Variants in ANKRD12 observed in about 807,000 individuals in gnomAD.
ANKRD12 encodes ankyrin repeat domain 12, also known as ankyrin repeat domain-containing protein 12.
A neutral mutation model predicts 183.4 loss-of-function variants in ANKRD12; 85 were observed. The observed-to-expected ratio is 0.46, with a 90% CI of 0.39 to 0.56. ANKRD12 has a LOEUF of 0.56. Among genes scored for constraint, ANKRD12 ranks in the 20% least tolerant of loss-of-function variants. The probability of loss-of-function intolerance (pLI) is 0.00; values close to 1 mark genes in which losing one functional copy is unlikely to be tolerated. For missense variants in ANKRD12, 2,405 were observed against 2,357.1 expected (o/e 1.02, Z -0.42); for synonymous variants, 914 against 800.2 (o/e 1.14, Z -2.40).
rs558376836 is a variant in ANKRD12, at chr18:9,166,850, G to A, written c.-51-15532G>A. On this transcript the variant is annotated intron_variant, in intron 1 of 12. Coordinates refer to ENST00000262126, the MANE Select transcript of ANKRD12 (RefSeq NM_015208.5). ...TTCTTCTAGGGTTTTTATGGTTTTA[G>A]GTCTAACATGTAAGTCTTTAATCCA... Among the ~76,000 whole-genome samples the A allele has an allele frequency of 3.5e-3, 534 of 152,246 alleles. 7 individuals carry two copies. Among genetic ancestry groups the A allele is most frequent in the South Asian group, 0.027 (132 of 4,824 alleles).
In ANKRD12 at chr18:9,149,798, AT is replaced by A. The variant is rs368621263; in HGVS notation, c.-52+12848del. ...TTTATTTATTTATTTATTAAATTTTATTTTTTTTTTTTTTTGAGACGGAGTC... is the reference window on the plus strand; with the variant it reads ...TTTATTTATTTATTTATTAAATTTTATTTTTTTTTTTTTTGAGACGGAGTC... On this transcript the variant is annotated intron_variant, in intron 1 of 12. Coordinates refer to ENST00000262126, the MANE Select transcript of ANKRD12 (RefSeq NM_015208.5). Among the ~76,000 whole-genome samples, 78 of 118,316 alleles carry A rather than the reference AT, an allele frequency of 6.6e-4. 1 individual carries two copies. The highest frequency in any genetic ancestry group is 1.9e-3 in the African/African-American group (61 of 31,688). The allele number at this position is 118,316 out of a possible 152,430, so 77.6% of individuals were successfully genotyped here.
intron 1 of ANKRD12, among the ~76,000 whole-genome samples, chr18:9,167,436 C>T (rs987180761): frequency 1.3e-5 from 2 of 152,046 alleles, no homozygotes; most frequent in Non-Finnish European, 2.9e-5. Flanking sequence ...CCTTCACATC[C>T]CTTGTAAGTT....
intron 8 of ANKRD12, among the ~76,000 whole-genome samples, chr18:9,253,216 TTA>T (rs1223503236): frequency 1.3e-5 from 2 of 152,204 alleles, no homozygotes; most frequent in East Asian, 3.8e-4. Context: ...GGCATTCTAA[TTA>T]CTCTCTTAGT....
chr18:9,235,201 A>G (rs1038367183), intron 8 of ANKRD12, among the ~76,000 whole-genome samples: 3 of 152,202 alleles, frequency 2.0e-5, no homozygotes, highest in African/African-American at 4.8e-5. Flanking sequence ...CCAGTTTGTC[A>G]TCTTAAAAAA....
rs151154781 is a variant in ANKRD12, at chr18:9,161,106, G to GTGT, written c.-51-21259_-51-21257dup. 2.2e-3 allele frequency among the ~76,000 whole-genome samples: 339 copies of GTGT among 151,832 alleles called. 2 individuals carry two copies. Among genetic ancestry groups the GTGT allele is most frequent in the African/African-American group, 7.6e-3 (316 of 41,428 alleles). On this transcript the variant is annotated intron_variant, in intron 1 of 12. Coordinates refer to ENST00000262126, the MANE Select transcript of ANKRD12 (RefSeq NM_015208.5). ...CTCTTGCCTTGGCCTGTGTGTGTGT[G>GTGT]TGTTGTTGTTGTTGTTGTTTTCCTT...
chr18:9,268,956 C>T (rs1046959323), intron 10 of ANKRD12, among the ~76,000 whole-genome samples: 15 of 152,268 alleles, frequency 9.9e-5, no homozygotes, highest in African/African-American at 2.9e-4. Context: ...GCAAAAATCA[C>T]GAGCATTCTT....
At chr18:9,247,088 T>C (rs1244404449) in intron 8 of ANKRD12, among the ~76,000 whole-genome samples, 1 of 152,246 alleles carries the variant, frequency 6.6e-6, no homozygotes, top group Non-Finnish European at 1.5e-5. Context: ...TTCTTCATTA[T>C]GTTTGACTGT....
At chr18:9,149,292 AT>A in intron 1 of ANKRD12, among the ~76,000 whole-genome samples, 1 of 152,378 alleles carries the variant, frequency 6.6e-6, no homozygotes, top group Admixed American at 6.5e-5. Flanking sequence ...GAATAATTGC[AT>A]GAGCAAACTA....
Position 9,281,136 on chromosome 18 carries a change from C to T in ANKRD12, c.*10C>T, listed in dbSNP as rs1250965956. On this transcript the variant is annotated 3_prime_UTR_variant, in exon 13 of 13. Transcript: ENST00000262126. Reference sequence around the variant, plus strand: ...ATTGACTCCTATATAGCAGTCAGTACTTCCTGATGGTATTGTCCTAAACTG... The same window carrying T: ...ATTGACTCCTATATAGCAGTCAGTATTTCCTGATGGTATTGTCCTAAACTG... 2.5e-6 allele frequency: 4 copies of T among 1,608,400 alleles called. No homozygotes were observed. The highest frequency in any genetic ancestry group is 3.4e-6 in the Non-Finnish European group (4 of 1,176,754).
At chr18:9,148,485 A>G (rs375140563) in intron 1 of ANKRD12, among the ~76,000 whole-genome samples, 6 of 152,368 alleles carry the variant, frequency 3.9e-5, no homozygotes, top group African/African-American at 1.2e-4. Flanking sequence ...AAAGTCTTGT[A>G]AATATTTAAT....
At chr18:9,167,474 A>T (rs1292004683) in intron 1 of ANKRD12, among the ~76,000 whole-genome samples, 1 of 152,024 alleles carries the variant, frequency 6.6e-6, no homozygotes, top group Admixed American at 6.6e-5. Context: ...ATTCTCTTTG[A>T]AGCAATTGTG....
chr18:9,142,524 G>A (rs185564173), intron 1 of ANKRD12, among the ~76,000 whole-genome samples: 1 of 151,496 alleles, frequency 6.6e-6, no homozygotes, highest in African/African-American at 2.4e-5. Flanking sequence ...TTTCTATTCT[G>A]TTTACCCGTT....
At chr18:9,164,933 T>A (rs2031869179) in intron 1 of ANKRD12, among the ~76,000 whole-genome samples, 1 of 152,202 alleles carries the variant, frequency 6.6e-6, no homozygotes, top group African/African-American at 2.4e-5. Flanking sequence ...CAGAGCTGAA[T>A]TTAGGTCCTG....
chr18:9,250,108 G>T (rs1205535043), intron 8 of ANKRD12: 1 of 152,188 alleles, frequency 6.6e-6, no homozygotes, highest in Non-Finnish European at 1.5e-5. Flanking sequence ...AATAGTGGTA[G>T]TGGCTGTTCT....
chr18:9,173,869 A>C (rs1380974390), intron 1 of ANKRD12, among the ~76,000 whole-genome samples: 1 of 152,182 alleles, frequency 6.6e-6, no homozygotes, highest in Non-Finnish European at 1.5e-5. Flanking sequence ...TGTACCCTAA[A>C]ACTTAAAGTA....
chr18:9,178,899 G>A (rs2033495251), intron 1 of ANKRD12, among the ~76,000 whole-genome samples: 1 of 151,912 alleles, frequency 6.6e-6, no homozygotes, highest in Non-Finnish European at 1.5e-5. Context: ...GAATTTAGTG[G>A]TTTTGATGCT....
In ANKRD12 at chr18:9,275,557, T is replaced by C. The variant is rs2039792302; in HGVS notation, c.5797T>C (p.Leu1933=). Residue 1933 remains leucine, a synonymous_variant, in exon 11 of 13, where the codon TTG becomes CTG. Transcript: ENST00000262126. The part of the protein sequence containing the change: ...KLIVSNEQEV[L]RVHYRAARTL... ...CATTGTATCCAACGAACAAGAAGTT[T>C]TGCGAGTTCATTACAGAGCTGCAAG... is the stretch of plus-strand genomic sequence containing the variant. The C allele has an allele frequency of 1.9e-6, 3 of 1,611,410 alleles. No homozygotes were observed. The highest frequency in any genetic ancestry group is 1.1e-5 in the South Asian group (1 of 90,782).
At chr18:9,196,108 AACACACACACAC>A (rs36156556) in intron 3 of ANKRD12, among the ~76,000 whole-genome samples, 3,288 of 64,120 alleles carry the variant, frequency 0.051, 54 homozygotes, top group African/African-American at 0.068. Context: ...GAAACATGCA[AACACACACACAC>A]ACACACACAC....
chr18:9,166,170 G>C (rs148247159), intron 1 of ANKRD12, among the ~76,000 whole-genome samples: 1 of 151,970 alleles, frequency 6.6e-6, no homozygotes, highest in African/African-American at 2.4e-5. Flanking sequence ...GAATAGTGCC[G>C]CAATAAACAT....
Sources: allele counts gnomAD v4.1 joint callset (sites outside exome capture counted in the v4.1 genomes callset), GRCh38; gene constraint gnomAD v4.1.1; transcripts MANE v1.5; gene names NCBI Gene and HGNC (gene_info 2026-07-23, HGNC 2026-07-21).